NUMB: variants seen among roughly 807,000 people sequenced by gnomAD.
NUMB encodes protein numb homolog.
A neutral mutation model predicts 59.7 loss-of-function variants in NUMB; 29 were observed. That is an observed-to-expected ratio of 0.49 (90% CI 0.36 to 0.66). The LOEUF (loss-of-function observed/expected upper bound fraction) is 0.66, where lower values mean the gene tolerates loss of function less well. Ranked by LOEUF, NUMB falls within the 30% of genes least tolerant of loss-of-function variation. The probability of loss-of-function intolerance (pLI) is 0.00; values close to 1 mark genes in which losing one functional copy is unlikely to be tolerated. For synonymous variants in NUMB, 288 were observed against 288.2 expected, an observed-to-expected ratio of 1.00 and a Z score of 0.01; for missense variants, 723 against 822.0, an observed-to-expected ratio of 0.88 and a Z score of 1.47.
intron 2 of NUMB, among the ~76,000 whole-genome samples, chr14:73,401,112 A>C (rs1006652602): frequency 2.6e-5 from 4 of 152,156 alleles, no homozygotes; most frequent in Admixed American, 6.6e-5. Flanking sequence ...TAATGTCAGA[A>C]TTGAGTTAAA....
intron 6 of NUMB, among the ~76,000 whole-genome samples, chr14:73,301,710 G>A (rs536352565): frequency 6.6e-6 from 1 of 152,054 alleles, no homozygotes; most frequent in Non-Finnish European, 1.5e-5. Context: ...AGGCTCAAGC[G>A]ATCCTCCTGC....
At chr14:73,321,934 A>T (rs1456828576) in intron 5 of NUMB, among the ~76,000 whole-genome samples, 1 of 152,170 alleles carries the variant, frequency 6.6e-6, no homozygotes, top group Admixed American at 6.5e-5. Flanking sequence ...TTTATCCCAA[A>T]ATTAAATCTA....
At position 73,282,413 on chromosome 14, in the gene NUMB, C is replaced by T. The variant is rs1419968692; in HGVS notation, c.1042G>A (p.Ala348Thr). 4.3e-6 allele frequency: 7 copies of T among 1,614,058 alleles called. No homozygotes were observed. The highest frequency in any genetic ancestry group is 5.1e-6 in the Non-Finnish European group (6 of 1,180,046). The change falls in exon 11 of 13, where the codon GCT becomes ACT. Residue 348 changes from alanine (A) to threonine (T), a missense_variant. Transcript: ENST00000555238. ...FSTPEDPFSS[A>T]PMTKPVTVVA... ...ACTGTCACTGGTTTGGTCATCGGAG[C>T]AGATGAGAAGGGGTCCTCAGGTGTG...
intron 2 of NUMB, among the ~76,000 whole-genome samples, chr14:73,403,964 G>A (rs936270531): frequency 2.6e-5 from 4 of 151,464 alleles, no homozygotes; most frequent in Non-Finnish European, 5.9e-5. Context: ...ATGGTGGCGC[G>A]GCCCTGTAGT....
At chr14:73,294,974 T>C in intron 7 of NUMB, among the ~76,000 whole-genome samples, 1 of 70,864 alleles carries the variant, frequency 1.4e-5, no homozygotes, top group Non-Finnish European at 2.5e-5. Context: ...AAAAAAAAAT[T>C]ATCTCAGCCT....
chr14:73,406,505 T>C (rs1176631742), intron 2 of NUMB, among the ~76,000 whole-genome samples: 1 of 152,106 alleles, frequency 6.6e-6, no homozygotes, highest in East Asian at 1.9e-4. Flanking sequence ...TGATGGACAT[T>C]TGGGTTGGTT....
At chr14:73,386,867 ATTT>A (rs71112745) in intron 2 of NUMB, among the ~76,000 whole-genome samples, 47 of 79,824 alleles carry the variant, frequency 5.9e-4, no homozygotes, top group Middle Eastern at 0.01. Context: ...CAGGTGTCTT[ATTT>A]TTTTTTTTTT....
At chr14:73,396,757 T>A (rs1896159039) in intron 2 of NUMB, among the ~76,000 whole-genome samples, 1 of 152,134 alleles carries the variant, frequency 6.6e-6, no homozygotes, top group Non-Finnish European at 1.5e-5. Flanking sequence ...ACCAATCAGA[T>A]AATTTACGGT....
chr14:73,457,152 AAAC>A (rs2140220772), intron 1 of NUMB, among the ~76,000 whole-genome samples: 1 of 152,170 alleles, frequency 6.6e-6, no homozygotes, highest in East Asian at 1.9e-4. Context: ...CTAGAACTCA[AAAC>A]TTCTTTTCAC....
At chr14:73,381,392 CT>C in intron 2 of NUMB, among the ~76,000 whole-genome samples, 1 of 152,194 alleles carries the variant, frequency 6.6e-6, no homozygotes, top group Non-Finnish European at 1.5e-5. Flanking sequence ...CTTAATATGG[CT>C]TATAAAGCTT....
intron 4 of NUMB, among the ~76,000 whole-genome samples, chr14:73,326,636 G>GAA (rs939988213): frequency 7.1e-6 from 1 of 141,110 alleles, no homozygotes; most frequent in African/African-American, 2.6e-5. Flanking sequence ...TCAAAAAAAA[G>GAA]AAAAAAAAAA....
intron 4 of NUMB, among the ~76,000 whole-genome samples, chr14:73,342,840 A>T (rs761583007): frequency 6.6e-6 from 1 of 152,256 alleles, no homozygotes; most frequent in African/African-American, 2.4e-5. Context: ...GTATAGCTTA[A>T]AAGTGTATGC....
At chr14:73,341,811 G>A (rs910158696) in intron 4 of NUMB, among the ~76,000 whole-genome samples, 19 of 152,098 alleles carry the variant, frequency 1.2e-4, no homozygotes, top group Admixed American at 1.3e-4. Flanking sequence ...AAACTGTCAT[G>A]AGTGATAGTT....
At position 73,405,440 on chromosome 14, in the gene NUMB, T is replaced by C. The variant is rs1172081185; in HGVS notation, c.-101+4497A>G. Among the ~76,000 whole-genome samples the C allele has an allele frequency of 6.1e-4, 54 of 88,250 alleles. 3 individuals are homozygous for C. The highest frequency in any genetic ancestry group is 8.1e-4 in the Admixed American group (5 of 6,160). The allele number at this position is 88,250 out of a possible 152,430, so 57.9% of individuals were successfully genotyped here. A position where few individuals can be genotyped will look rare whatever the true frequency, so the allele number is the denominator to read the frequency against. ...TTAGGTATTTTTTTCTTTCTCTTTT[T>C]TTTTTTTTTTTTTTTTTGACAGGAT... On this transcript the variant is annotated intron_variant, in intron 2 of 12. Coordinates refer to ENST00000555238, the MANE Select transcript of NUMB (RefSeq NM_001005743.2).
intron 4 of NUMB, among the ~76,000 whole-genome samples, chr14:73,352,249 C>T (rs982102494): frequency 3.3e-5 from 5 of 150,834 alleles, no homozygotes; most frequent in Non-Finnish European, 7.4e-5. Context: ...TTTTCTAATG[C>T]TCTATTCACC....
chr14:73,387,753 AAACAAAC>A (rs1385831878), intron 2 of NUMB, among the ~76,000 whole-genome samples: 1 of 144,198 alleles, frequency 6.9e-6, no homozygotes, highest in African/African-American at 2.9e-5. Context: ...AAACAAAAAC[AAACAAAC>A]AAAAAAAAAA....
At chr14:73,277,338 C>T in intron 12 of NUMB, 45 bp from the exon 13 acceptor site, 1 of 1,357,790 alleles carries the variant, frequency 7.4e-7, no homozygotes. Flanking sequence ...TTAGGGGCAT[C>T]TTTCCTCACC....
At chr14:73,451,434 TA>T (rs71872203) in intron 1 of NUMB, among the ~76,000 whole-genome samples, 6,940 of 111,448 alleles carry the variant, frequency 0.062, 556 homozygotes, top group African/African-American at 0.2. Flanking sequence ...AGACACCGTC[TA>T]AAAAAAAAAA....
intron 2 of NUMB, among the ~76,000 whole-genome samples, chr14:73,369,126 T>A (rs1894534827): frequency 1.3e-5 from 2 of 151,944 alleles, no homozygotes; most frequent in Admixed American, 1.3e-4. Context: ...ACTGCAACCT[T>A]TGCCTCCTGG....
Sources: gnomAD v4.1 joint callset for allele counts (sites outside exome capture counted in the v4.1 genomes callset) on GRCh38, gnomAD v4.1.1 for gene constraint, MANE v1.5 for transcripts, NCBI Gene and HGNC (gene_info 2026-07-23, HGNC 2026-07-21) for gene names.